Variants in OCIAD2 observed in about 807,000 individuals in gnomAD.
OCIAD2 encodes OCIA domain-containing protein 2.
In OCIAD2, 29 loss-of-function variants were observed where a neutral mutation model predicts 22.9. That is an observed-to-expected ratio of 1.27 (90% CI 0.94 to 1.73). The LOEUF is 1.73. Among genes scored for constraint, OCIAD2 ranks in the 40% most tolerant of loss-of-function variants. OCIAD2 has a pLI of 0.00. For missense variants in OCIAD2, 189 were observed against 180.3 expected, an observed-to-expected ratio of 1.05 and a Z score of -0.28; for synonymous variants, 67 against 60.2, an observed-to-expected ratio of 1.11 and a Z score of -0.52.
At chr4:48,902,262 C>G (rs1477941438) in intron 2 of OCIAD2, among the ~76,000 whole-genome samples, 1 of 152,104 alleles carries the variant, frequency 6.6e-6, no homozygotes, top group Non-Finnish European at 1.5e-5. Context: ...CTTTTTTAGA[C>G]TCTTTCTGTG....
intron 6 of OCIAD2, among the ~76,000 whole-genome samples, chr4:48,890,621 G>T (rs531388666): frequency 6.6e-6 from 1 of 152,142 alleles, no homozygotes; most frequent in Non-Finnish European, 1.5e-5. Context: ...AAAATGCACA[G>T]GTTCGTTCTA....
rs1781041384 is a variant in OCIAD2, at chr4:48,887,963, C to A, written c.384-2398G>T. 2.6e-5 allele frequency among the ~76,000 whole-genome samples: 4 copies of A among 152,126 alleles called. No individual in the cohort carries two copies. In the South Asian group the frequency reaches 8.3e-4, roughly 32 times the overall value. The stretch of plus-strand genomic sequence containing the variant: ...ATTTTCACGATATTGATTCTTCCTA[C>A]CCATGAGCATGGAATGTTCTTCCAT... On this transcript the variant is annotated intron_variant, in intron 6 of 6. Coordinates refer to ENST00000508632, the MANE Select transcript of OCIAD2 (RefSeq NM_001014446.3).
intron 3 of OCIAD2, 152 bp downstream of exon 3, chr4:48,899,677 T>G: frequency 1.7e-6 from 1 of 572,186 alleles, no homozygotes; most frequent in Non-Finnish European, 3.0e-6. Context: ...CTAAAAAAGG[T>G]CTGAACTTGG....
chr4:48,897,995 C>A (rs2109678546), intron 3 of OCIAD2, 138 bp from the exon 4 acceptor site: 1 of 660,104 alleles, frequency 1.5e-6, no homozygotes, highest in South Asian at 1.9e-5. Flanking sequence ...TTTACTTATT[C>A]AACAAATATT....
At chr4:48,897,939 T>G in intron 3 of OCIAD2, 82 bp from the exon 4 acceptor site, 1 of 916,076 alleles carries the variant, frequency 1.1e-6, no homozygotes, top group Non-Finnish European at 1.8e-6. Flanking sequence ...TATTCTGAGC[T>G]TTTTCTCTTA....
rs538963054 is a variant in OCIAD2, at chr4:48,888,460, T to A, written c.384-2895A>T. Among the ~76,000 whole-genome samples the A allele has an allele frequency of 2.6e-5, 4 of 152,326 alleles. No homozygotes were observed. In the South Asian group the frequency reaches 8.3e-4, roughly 32 times the overall value. On this transcript the variant is annotated intron_variant, in intron 6 of 6. Transcript: ENST00000508632. ...CAGTTTTTTCCCATTCAGTATGATA[T>A]TGGCTGTGGGTTTGTCATAAATAGC... is the stretch of plus-strand genomic sequence containing the variant.
At chr4:48,889,221 TTC>T (rs1368365375) in intron 6 of OCIAD2, among the ~76,000 whole-genome samples, 1 of 152,244 alleles carries the variant, frequency 6.6e-6, no homozygotes, top group Non-Finnish European at 1.5e-5. Flanking sequence ...TATTTGATTA[TTC>T]TCTCTTTTCT....
At chr4:48,885,702 G>T in intron 6 of OCIAD2, 137 bp from the exon 7 acceptor site, 1 of 572,028 alleles carries the variant, frequency 1.7e-6, no homozygotes, top group Non-Finnish European at 3.1e-6. Context: ...ATGTTGCCCA[G>T]GCTGGTCTCG....
At chr4:48,899,960 T>A in intron 2 of OCIAD2, 35 bp from the exon 3 acceptor site, 1 of 1,511,638 alleles carries the variant, frequency 6.6e-7, no homozygotes. Flanking sequence ...CTAACTGAGG[T>A]CATTGAAAAA....
At chr4:48,896,261 C>G (rs2109676341) in intron 4 of OCIAD2, among the ~76,000 whole-genome samples, 1 of 152,160 alleles carries the variant, frequency 6.6e-6, no homozygotes, top group African/African-American at 2.4e-5. Flanking sequence ...GACTTCTTCC[C>G]TCATATTTAC....
chr4:48,905,479 G>C (rs558033341), intron 1 of OCIAD2, among the ~76,000 whole-genome samples: 1 of 151,780 alleles, frequency 6.6e-6, no homozygotes. Context: ...CTGATACAGA[G>C]GGGAGGGAAT....
chr4:48,895,285 G>A (rs1408060612), intron 4 of OCIAD2, among the ~76,000 whole-genome samples: 5 of 152,180 alleles, frequency 3.3e-5, no homozygotes, highest in Non-Finnish European at 5.9e-5. Flanking sequence ...AGAAGTTATA[G>A]AAAACTGATA....
chr4:48,894,407 C>A (rs1225874353), intron 4 of OCIAD2, among the ~76,000 whole-genome samples: 1 of 152,026 alleles, frequency 6.6e-6, no homozygotes, highest in East Asian at 1.9e-4. Flanking sequence ...GCAGGAGGAT[C>A]GCTTGAACCC....
intron 2 of OCIAD2, among the ~76,000 whole-genome samples, chr4:48,901,841 C>T (rs1207988168): frequency 6.6e-6 from 1 of 152,140 alleles, no homozygotes; most frequent in Non-Finnish European, 1.5e-5. Context: ...CTCCTGGGCT[C>T]AAGTTAACCT....
intron 6 of OCIAD2, among the ~76,000 whole-genome samples, chr4:48,889,804 C>T (rs1781112471): frequency 6.6e-6 from 1 of 152,166 alleles, no homozygotes; most frequent in African/African-American, 2.4e-5. Flanking sequence ...GACACATGCA[C>T]AGGTATGTTT....
At chr4:48,887,887 A>G (rs1172877971) in intron 6 of OCIAD2, among the ~76,000 whole-genome samples, 1 of 152,204 alleles carries the variant, frequency 6.6e-6, no homozygotes, top group Non-Finnish European at 1.5e-5. Flanking sequence ...AGTCATTGGT[A>G]GCTTGATGGG....
At chr4:48,903,228 T>C (rs1781452946) in intron 2 of OCIAD2, among the ~76,000 whole-genome samples, 3 of 152,218 alleles carry the variant, frequency 2.0e-5, no homozygotes, top group African/African-American at 7.2e-5. Context: ...GTTGAAAAAT[T>C]GTTTCCATGT....
At chr4:48,900,014 C>T in intron 2 of OCIAD2, 89 bp from the exon 3 acceptor site, 1 of 862,676 alleles carries the variant, frequency 1.2e-6, no homozygotes, top group Non-Finnish European at 1.9e-6. Context: ...GAGGTCTCTT[C>T]ACTTGTTACA....
chr4:48,892,713 A>C, intron 6 of OCIAD2, 59 bp downstream of exon 6: 2 of 854,950 alleles, frequency 2.3e-6, no homozygotes, highest in Non-Finnish European at 3.6e-6. Context: ...ATAGTGAGTA[A>C]TCTTTCATTT....
Sources: gnomAD v4.1 joint callset for allele counts (sites outside exome capture counted in the v4.1 genomes callset) on GRCh38, gnomAD v4.1.1 for gene constraint, MANE v1.5 for transcripts, NCBI Gene and HGNC (gene_info 2026-07-23, HGNC 2026-07-21) for gene names.